The following CNTN5 variants were observed in gnomAD, a reference collection of about 807,000 sequenced individuals.
CNTN5 encodes contactin-5.
In CNTN5, 77 loss-of-function variants were observed where a neutral mutation model predicts 129.1. The observed-to-expected ratio is 0.60, with a 90% CI of 0.50 to 0.72. The LOEUF is 0.72. Ranked by LOEUF, CNTN5 falls within the 30% of genes least tolerant of loss-of-function variation. The pLI, the probability that CNTN5 is intolerant of heterozygous loss-of-function variation, is 0.00. For synonymous variants in CNTN5, 509 were observed against 465.6 expected, an observed-to-expected ratio of 1.09 and a Z score of -1.20; for missense variants, 1,478 against 1,328.8, an observed-to-expected ratio of 1.11 and a Z score of -1.75.
At chr11:99,577,662 T>A (rs1458917167) in intron 3 of CNTN5, among the ~76,000 whole-genome samples, 1 of 151,988 alleles carries the variant, frequency 6.6e-6, no homozygotes, top group Non-Finnish European at 1.5e-5. Context: ...AAATACAGTG[T>A]TTAAAAGAGT....
At chr11:100,110,718 A>G (rs1304600455) in intron 13 of CNTN5, among the ~76,000 whole-genome samples, 1 of 152,228 alleles carries the variant, frequency 6.6e-6, no homozygotes, top group Non-Finnish European at 1.5e-5. Context: ...TTAAATGTCC[A>G]ATGACAAATC....
intron 24 of CNTN5, among the ~76,000 whole-genome samples, chr11:100,355,787 T>C (rs1252219671): frequency 2.0e-5 from 3 of 151,766 alleles, no homozygotes; most frequent in Non-Finnish European, 4.4e-5. Context: ...TAATTTTTGC[T>C]CCATTTTCTG....
At chr11:99,461,574 T>G (rs938676724) in intron 2 of CNTN5, among the ~76,000 whole-genome samples, 2 of 152,236 alleles carry the variant, frequency 1.3e-5, no homozygotes, top group South Asian at 4.1e-4. Context: ...GAAATAAACA[T>G]TTACTAAGAA....
chr11:100,212,329 C>T (rs187485462), intron 15 of CNTN5, among the ~76,000 whole-genome samples: 205 of 152,218 alleles, frequency 1.3e-3, no homozygotes, highest in Middle Eastern at 6.8e-3. Context: ...TAAATACCAA[C>T]TTTGTTTCCT....
At chr11:100,116,232 C>T (rs1290762583) in intron 13 of CNTN5, among the ~76,000 whole-genome samples, 1 of 151,946 alleles carries the variant, frequency 6.6e-6, no homozygotes, top group African/African-American at 2.4e-5. Context: ...TAGAATTCAT[C>T]CATAATTCAC....
At chr11:99,631,694 C>T (rs1456514853) in intron 3 of CNTN5, among the ~76,000 whole-genome samples, 2 of 138,322 alleles carry the variant, frequency 1.4e-5, no homozygotes, top group East Asian at 4.1e-4. Context: ...TATTGTCACA[C>T]TCATTGGGAA....
chr11:99,089,034 G>A (rs1341543940), intron 1 of CNTN5, among the ~76,000 whole-genome samples: 3 of 151,826 alleles, frequency 2.0e-5, no homozygotes, highest in Admixed American at 6.6e-5. Flanking sequence ...GTTAATAACC[G>A]ATTAAAAAAA....
At chr11:99,704,035 TTA>T (rs1954645216) in intron 3 of CNTN5, among the ~76,000 whole-genome samples, 3 of 150,318 alleles carry the variant, frequency 2.0e-5, no homozygotes, top group South Asian at 4.2e-4. Context: ...CAATAAATAA[TTA>T]TATGTGTGTA....
chr11:99,958,783 C>G (rs530088268), intron 8 of CNTN5, among the ~76,000 whole-genome samples: 42 of 152,310 alleles, frequency 2.8e-4, no homozygotes, highest in Non-Finnish European at 5.3e-4. Context: ...GCATTCTTAT[C>G]TGAAAATTAT....
intron 1 of CNTN5, among the ~76,000 whole-genome samples, chr11:99,055,004 A>G (rs76883284): frequency 0.035 from 5,383 of 152,006 alleles, 314 homozygotes; most frequent in African/African-American, 0.12. Flanking sequence ...TAGAACTTTA[A>G]ATCGTAATTA....
intron 2 of CNTN5, among the ~76,000 whole-genome samples, chr11:99,427,348 G>A (rs1376938862): frequency 6.6e-6 from 1 of 152,086 alleles, no homozygotes; most frequent in Non-Finnish European, 1.5e-5. Context: ...AACCTGAGGG[G>A]GGAAATAATT....
chr11:99,710,652 A>AT (rs1223354845), intron 3 of CNTN5, among the ~76,000 whole-genome samples: 14 of 149,162 alleles, frequency 9.4e-5, no homozygotes, highest in South Asian at 2.1e-4. Flanking sequence ...CAAATCTGAC[A>AT]TTTTTTTTTA....
At chr11:99,450,085 T>C (rs1944237215) in intron 2 of CNTN5, among the ~76,000 whole-genome samples, 1 of 152,196 alleles carries the variant, frequency 6.6e-6, no homozygotes, top group East Asian at 1.9e-4. Context: ...TTAGGCCAGT[T>C]ACAAAGGCTA....
At chr11:99,855,892 A>G (rs1948018314) in intron 6 of CNTN5, among the ~76,000 whole-genome samples, 1 of 152,194 alleles carries the variant, frequency 6.6e-6, no homozygotes, top group African/African-American at 2.4e-5. Flanking sequence ...TTCATTTCAT[A>G]TCCTTAGAAT....
intron 9 of CNTN5, among the ~76,000 whole-genome samples, chr11:100,015,321 G>A (rs1263313593): frequency 2.0e-5 from 3 of 152,094 alleles, no homozygotes; most frequent in Non-Finnish European, 4.4e-5. Flanking sequence ...CCAAATTTCA[G>A]AAACAATTTT....
intron 3 of CNTN5, among the ~76,000 whole-genome samples, chr11:99,769,645 T>A (rs1204114092): frequency 6.6e-6 from 1 of 152,002 alleles, no homozygotes; most frequent in Non-Finnish European, 1.5e-5. Flanking sequence ...GAGAGCAGCC[T>A]GGGAAACATA....
At chr11:100,325,823 A>C (rs1294066166) in intron 21 of CNTN5, among the ~76,000 whole-genome samples, 2 of 152,248 alleles carry the variant, frequency 1.3e-5, no homozygotes, top group Non-Finnish European at 2.9e-5. Context: ...GATCAGTCAG[A>C]TAAGACACAA....
At chr11:99,999,781 G>T (rs529947678) in intron 8 of CNTN5, among the ~76,000 whole-genome samples, 3 of 152,024 alleles carry the variant, frequency 2.0e-5, no homozygotes, top group African/African-American at 7.2e-5. Flanking sequence ...TGATAGACTG[G>T]ATTAAGAAAA....
At chr11:99,941,045 C>T (rs1950423789) in intron 7 of CNTN5, among the ~76,000 whole-genome samples, 1 of 152,056 alleles carries the variant, frequency 6.6e-6, no homozygotes, top group Non-Finnish European at 1.5e-5. Context: ...ACAGGTCTTC[C>T]AGTTCATTTA....
Sources: gnomAD v4.1 joint callset for allele counts (sites outside exome capture counted in the v4.1 genomes callset) on GRCh38, gnomAD v4.1.1 for gene constraint, MANE v1.5 for transcripts, NCBI Gene and HGNC (gene_info 2026-07-23, HGNC 2026-07-21) for gene names.